PCDHA6: variants seen among roughly 807,000 people sequenced by gnomAD.
PCDHA6 encodes the protein protocadherin alpha 6, also known as protocadherin alpha-6.
PCDHA6 carries 55 observed loss-of-function variants against 60.3 expected under a neutral mutation model. That is an observed-to-expected ratio of 0.91 (90% CI 0.73 to 1.14). The LOEUF (loss-of-function observed/expected upper bound fraction) is 1.14, where lower values mean the gene tolerates loss of function less well. Among genes scored for constraint, PCDHA6 ranks in the 50% most tolerant of loss-of-function variants. The pLI, the probability that PCDHA6 is intolerant of heterozygous loss-of-function variation, is 0.00. For synonymous variants in PCDHA6, 652 were observed against 557.9 expected (o/e 1.17, Z -2.38); for missense variants, 1,327 against 1,256.5 (o/e 1.06, Z -0.85).
chr5:140,838,268 C>G (rs1775630088), intron 1 of PCDHA6, among the ~76,000 whole-genome samples: 1 of 138,020 alleles, frequency 7.2e-6, no homozygotes, highest in African/African-American at 2.8e-5. Flanking sequence ...CGCCAACAAC[C>G]AAGCCATGCT....
chr5:140,965,654 G>A (rs1194762396), intron 1 of PCDHA6, among the ~76,000 whole-genome samples: 5 of 152,150 alleles, frequency 3.3e-5, no homozygotes, highest in Non-Finnish European at 7.4e-5. Flanking sequence ...GAAAGAAAAT[G>A]TCTTGGGTGA....
chr5:140,984,243 C>T (rs781830326), intron 3 of PCDHA6, among the ~76,000 whole-genome samples: 2 of 152,246 alleles, frequency 1.3e-5, no homozygotes, highest in Non-Finnish European at 2.9e-5. Context: ...CATTGTAGGT[C>T]GACCTGGTAA....
chr5:140,975,752 A>G (rs577986836), intron 1 of PCDHA6, among the ~76,000 whole-genome samples: 2 of 152,320 alleles, frequency 1.3e-5, no homozygotes, highest in East Asian at 1.9e-4. Flanking sequence ...CAAATATTCT[A>G]TGTCATAAAT....
At chr5:140,968,640 C>T (rs2096260908) in intron 1 of PCDHA6, 1 of 1,614,038 alleles carries the variant, frequency 6.2e-7, no homozygotes, top group Admixed American at 1.7e-5. Context: ...TACCATCTAG[C>T]CCAGACTTCT....
intron 1 of PCDHA6, chr5:140,863,201 C>A: frequency 1.1e-6 from 1 of 925,678 alleles, no homozygotes; most frequent in Admixed American, 1.8e-5. Context: ...GCGTCGCTGG[C>A]GGAGAGCAGC....
chr5:140,867,479 A>G (rs1308433664), intron 1 of PCDHA6: 1 of 152,158 alleles, frequency 6.6e-6, no homozygotes, highest in Non-Finnish European at 1.5e-5. Context: ...TTGGGAAAAG[A>G]GTAAATATGA....
intron 1 of PCDHA6, among the ~76,000 whole-genome samples, chr5:140,914,843 A>G (rs1269507537): frequency 6.6e-6 from 1 of 152,142 alleles, no homozygotes; most frequent in Non-Finnish European, 1.5e-5. Context: ...CAAACACACA[A>G]AAGGAAGACT....
chr5:140,970,427 GGTGTTA>G (rs1442614278), intron 1 of PCDHA6, among the ~76,000 whole-genome samples: 6 of 152,192 alleles, frequency 3.9e-5, no homozygotes, highest in Admixed American at 3.3e-4. Context: ...TGTAGAGGCA[GGTGTTA>G]GTATATGCAC....
rs1554162489 is a variant in PCDHA6 at position 140,869,104 on chromosome 5, A to G, written c.2394+38619A>G. 2.5e-6 allele frequency: 4 copies of G among 1,601,646 alleles called. No individual in the cohort carries two copies. In the Admixed American group the frequency reaches 5.1e-5, roughly 21 times the overall value. On this transcript the variant is annotated intron_variant, in intron 1 of 3. Coordinates refer to ENST00000529310, the MANE Select transcript of PCDHA6 (RefSeq NM_018909.4). ...ATTTTGGAAGCCAATTTCGTATGCG[A>G]TGTTTGGTTTTCAGAGAAGGGGATT... is the stretch of plus-strand genomic sequence containing the variant.
chr5:140,966,541 G>A (rs2096018356), intron 1 of PCDHA6: 2 of 462,844 alleles, frequency 4.3e-6, no homozygotes, highest in Admixed American at 4.3e-5. Context: ...TGAGCGACTC[G>A]GAGGCGAGCG....
In PCDHA6 at chr5:140,828,742, G is replaced by T. The variant is rs2150158516; in HGVS notation, c.651G>T (p.Gly217=). ...AHNLFLTATD[G]GKPELTGTVQ... The stretch of plus-strand genomic sequence containing the variant: ...ACTTATTCCTGACAGCCACAGATGG[G>T]GGCAAACCTGAGCTCACAGGCACTG... The change falls in exon 1 of 4, where the codon GGG becomes GGT. Residue 217 remains glycine, a synonymous_variant. Transcript: ENST00000529310. The T allele has an allele frequency of 5.0e-6, 8 of 1,614,208 alleles. No individual in the cohort carries two copies. Among genetic ancestry groups the T allele is most frequent in the Non-Finnish European group, 5.9e-6 (7 of 1,180,026 alleles).
At chr5:140,869,286 G>A in intron 1 of PCDHA6, 2 of 1,613,616 alleles carry the variant, frequency 1.2e-6, no homozygotes, top group Non-Finnish European at 1.7e-6. Context: ...AGCTGGTGCA[G>A]CGCCTGTTCC....
chr5:140,911,343 C>G (rs1223805451), intron 1 of PCDHA6, among the ~76,000 whole-genome samples: 1 of 152,136 alleles, frequency 6.6e-6, no homozygotes, highest in African/African-American at 2.4e-5. Flanking sequence ...CAATCAATGC[C>G]CTCATTTCAA....
intron 1 of PCDHA6, among the ~76,000 whole-genome samples, chr5:140,905,308 T>C (rs1194215404): frequency 1.3e-5 from 2 of 152,120 alleles, no homozygotes; most frequent in African/African-American, 4.8e-5. Flanking sequence ...TTTCCACACT[T>C]TGTGTTTGTA....
chr5:140,860,498 A>G (rs1440089357), intron 1 of PCDHA6: 3 of 152,224 alleles, frequency 2.0e-5, no homozygotes, highest in Non-Finnish European at 4.4e-5. Flanking sequence ...GGATGTCTAC[A>G]TACAAGATAA....
chr5:140,954,698 A>C (rs185399105), intron 1 of PCDHA6, among the ~76,000 whole-genome samples: 5 of 152,208 alleles, frequency 3.3e-5, no homozygotes, highest in African/African-American at 1.2e-4. Context: ...TAGACTACAA[A>C]ATTTTTCTCC....
At chr5:140,876,653 C>G in intron 1 of PCDHA6, 1 of 1,614,200 alleles carries the variant, frequency 6.2e-7, no homozygotes, top group Non-Finnish European at 8.5e-7. Flanking sequence ...CCTCATGTTC[C>G]CTTCAAGCTG....
At chr5:140,830,806 AT>A (rs1554133024) in intron 1 of PCDHA6, 1 of 158,086 alleles carries the variant, frequency 6.3e-6, no homozygotes, top group African/African-American at 2.4e-5. Flanking sequence ...TGGGATTTTC[AT>A]TTGTTTGCCT....
At chr5:140,878,562 T>C (rs2057643889) in intron 1 of PCDHA6, among the ~76,000 whole-genome samples, 1 of 152,210 alleles carries the variant, frequency 6.6e-6, no homozygotes, top group Non-Finnish European at 1.5e-5. Context: ...CCCAAACTTA[T>C]CATAGTATAC....
Sources: gnomAD v4.1 joint callset for allele counts (sites outside exome capture counted in the v4.1 genomes callset) on GRCh38, gnomAD v4.1.1 for gene constraint, MANE v1.5 for transcripts, NCBI Gene and HGNC (gene_info 2026-07-23, HGNC 2026-07-21) for gene names.